The following HDAC7 variants were observed in gnomAD, a reference collection of about 807,000 sequenced individuals.
HDAC7 encodes histone deacetylase 7A.
A neutral mutation model predicts 115.5 loss-of-function variants in HDAC7; 26 were observed. The ratio of observed to expected loss-of-function variants is 0.23; its 90% CI spans 0.16 to 0.31. HDAC7 has a LOEUF of 0.31. Ranked by LOEUF, HDAC7 falls within the 10% of genes least tolerant of loss-of-function variation. HDAC7 has a pLI of 1.00. For missense variants in HDAC7, 1,068 were observed against 1,329.0 expected (o/e 0.80, Z 3.05); for synonymous variants, 564 against 550.9 (o/e 1.02, Z -0.33).
At position 47,797,989 on chromosome 12, in the gene HDAC7, G is replaced by T; in HGVS notation, c.461+119C>A. 2 of 760,974 alleles carry T rather than the reference G, an allele frequency of 2.6e-6. No homozygotes were observed. Among genetic ancestry groups the T allele is most frequent in the Non-Finnish European group, 4.8e-6 (2 of 420,266 alleles). The allele number at this position is 760,974 out of a possible 1,614,324, so 47.1% of individuals were successfully genotyped here. ...CGGGGGCATTATGTTTAGAGGAAGG[G>T]TAAGGACTGGTTGTGGCAACTGGGG... On this transcript the variant is annotated intron_variant, in intron 5 of 25. Coordinates refer to ENST00000080059, the MANE Select transcript of HDAC7 (RefSeq NM_015401.5). This position sits in a 1 kb window ranked among gnomAD's most constrained non-coding sequence, Gnocchi z 5.5.
Position 47,797,985 on chromosome 12 carries a change from A to G in HDAC7, c.461+123T>C. ...GGCTCGGGGGCATTATGTTTAGAGG[A>G]AGGGTAAGGACTGGTTGTGGCAACT... On this transcript the variant is annotated intron_variant, in intron 5 of 25. Coordinates refer to ENST00000080059, the MANE Select transcript of HDAC7 (RefSeq NM_015401.5). The surrounding 1 kb of genome is among the most constrained non-coding windows in gnomAD (Gnocchi z 5.5). The G allele has an allele frequency of 2.7e-6, 2 of 728,454 alleles. No homozygotes were observed. The highest frequency in any genetic ancestry group is 1.8e-5 in the African/African-American group (1 of 54,696). The allele number at this position is 728,454 out of a possible 1,614,324, so 45.1% of individuals were successfully genotyped here.
intron 1 of HDAC7, among the ~76,000 whole-genome samples, chr12:47,805,271 G>A (rs973516384): frequency 4.9e-5 from 7 of 141,598 alleles, no homozygotes; most frequent in Non-Finnish European, 9.5e-5. Context: ...TTTTTTTTTT[G>A]TAGAGACGAA....
At position 47,784,097 on chromosome 12, in the gene HDAC7, C is replaced by A. The variant is rs779324291; in HGVS notation, c.2912G>T (p.Gly971Val). 1 of 1,613,364 alleles carries A rather than the reference C, an allele frequency of 6.2e-7. No homozygotes were observed. The highest frequency in any genetic ancestry group is 1.3e-5 in the African/African-American group (1 of 74,882). The change falls in exon 25 of 26, where the codon GGC becomes GTC. Residue 971 changes from glycine to valine, a missense_variant. By Grantham distance (109) the Gly-to-Val change is moderately radical (BLOSUM62 -3). This residue lies in a region of HDAC7 where 98 missense variants were observed against 123.9 expected (regional missense o/e 0.79). Transcript: ENST00000080059. ...GCATTACCTATCTTCAGCCAGGATG[C>A]CCACAGAGAGGGACGCCAGTGCGGT... ...AVTALASLSV[G>V]ILAEDRPSEQ...
Position 47,789,800 on chromosome 12 carries a change from C to T in HDAC7, c.2091+13G>A, listed in dbSNP as rs562000379. 5 of 1,606,630 alleles carry T rather than the reference C, an allele frequency of 3.1e-6. No homozygotes were observed. Among genetic ancestry groups the T allele is most frequent in the Admixed American group, 1.7e-5 (1 of 60,010 alleles). On this transcript the variant is annotated intron_variant, in intron 17 of 25. Coordinates refer to ENST00000080059, the MANE Select transcript of HDAC7 (RefSeq NM_015401.5). ...CCTTTGTGGTGTGTCCACCTTCAAC[C>T]CAAACCTCCTACCTTTAGCTCACGA...
rs1943406246 is a variant in HDAC7, at chr12:47,790,172, G to C, written c.1984-252C>G. The C allele has an allele frequency of 1.2e-5, 6 of 505,146 alleles. No individual in the cohort carries two copies. In the South Asian group the frequency reaches 1.3e-4, roughly 11 times the overall value. The allele number at this position is 505,146 out of a possible 1,614,324, so 31.3% of individuals were successfully genotyped here. A position where few individuals can be genotyped will look rare whatever the true frequency, so the allele number is the denominator to read the frequency against. On this transcript the variant is annotated intron_variant, in intron 16 of 25. Transcript: ENST00000080059. The stretch of plus-strand genomic sequence containing the variant: ...GCACTCTGCTGGCAGCATCACGCCT[G>C]CCTCCCCGGTCAGGGGAGGGGGCAT...
chr12:47,812,103 T>C (rs1354506068), intron 1 of HDAC7, among the ~76,000 whole-genome samples: 3 of 152,124 alleles, frequency 2.0e-5, no homozygotes, highest in Non-Finnish European at 4.4e-5. Context: ...GGCAGCCCCA[T>C]CCCAGACCCT....
In HDAC7 at chr12:47,798,877, G is replaced by GC; in HGVS notation, c.165dup (p.Pro56AlafsTer127). The GC allele has an allele frequency of 6.4e-7, 1 of 1,550,810 alleles. No homozygotes were observed. The highest frequency in any genetic ancestry group is 8.7e-7 in the Non-Finnish European group (1 of 1,149,692). ...GGACGCTGCAGGGCCAGCAATGTGG[G>GC]CTCTGGTGGGGGCTCCACTGGGGGC... On this transcript the variant is annotated frameshift_variant, in exon 3 of 26. Transcript: ENST00000080059. LOFTEE classifies it high-confidence loss of function. The surrounding 1 kb of genome is among the most constrained non-coding windows in gnomAD (Gnocchi z 4.3).
rs753982880 is a variant in HDAC7, at chr12:47,787,864, C to T, written c.2356-55G>A. 7.7e-6 allele frequency: 12 copies of T among 1,560,778 alleles called. 1 individual carries two copies. The South Asian group carries it at 1.1e-4, about 15-fold the overall frequency. On this transcript the variant is annotated intron_variant, in intron 20 of 25. Coordinates refer to ENST00000080059, the MANE Select transcript of HDAC7 (RefSeq NM_015401.5). ...GGACAGCAGAGTCCCAGAAGGGGAA[C>T]ACCAGTTTGTTAGAGCTGCCAGCCC...
At chr12:47,792,062 G>A (rs1943561485) in intron 13 of HDAC7, 58 bp from the exon 14 acceptor site, 2 of 1,527,440 alleles carry the variant, frequency 1.3e-6, no homozygotes, top group Admixed American at 1.9e-5. Flanking sequence ...CATGGCCTTG[G>A]CTGCAGAGAA....
At chr12:47,791,432 T>C (rs1592643681) in intron 15 of HDAC7, 124 bp from the exon 16 acceptor site, 4 of 1,359,744 alleles carry the variant, frequency 2.9e-6, no homozygotes, top group African/African-American at 1.5e-5. Context: ...AAGGGAGAGG[T>C]GGAGGTGGGC....
intron 21 of HDAC7, among the ~76,000 whole-genome samples, chr12:47,787,123 T>A (rs978670844): frequency 6.6e-6 from 1 of 152,182 alleles, no homozygotes; most frequent in Non-Finnish European, 1.5e-5. Flanking sequence ...CTCAGTCCTT[T>A]GGACTGAGTT....
In HDAC7 at chr12:47,797,858, GT is replaced by G. The variant is rs1943944752; in HGVS notation, c.461+249del. Among the ~76,000 whole-genome samples the G allele has an allele frequency of 4.2e-5, 5 of 119,662 alleles. No individual in the cohort carries two copies. Among genetic ancestry groups the G allele is most frequent in the African/African-American group, 1.7e-4 (4 of 22,880 alleles). The allele number at this position is 119,662 out of a possible 152,430, so 78.5% of individuals were successfully genotyped here. A position where few individuals can be genotyped will look rare whatever the true frequency, so the allele number is the denominator to read the frequency against. On this transcript the variant is annotated intron_variant, in intron 5 of 25. Transcript: ENST00000080059. This position sits in a 1 kb window ranked among gnomAD's most constrained non-coding sequence, Gnocchi z 5.5. The stretch of plus-strand genomic sequence containing the variant: ...TGTGCAAGAAAAAAGCCAGTAGGGT[GT>G]GTGTGTGTGTGTGTGTGTGTGTGTG...
In HDAC7 at chr12:47,795,644, G is replaced by A. The variant is rs1322122623; in HGVS notation, c.1030C>T (p.Arg344Cys). The A allele has an allele frequency of 2.6e-6, 4 of 1,555,362 alleles. No homozygotes were observed. Among genetic ancestry groups the A allele is most frequent in the East Asian group, 2.4e-5 (1 of 41,228 alleles). ...EPEAGGTLPS[R>C]LQPILLLDPS... The stretch of plus-strand genomic sequence containing the variant: ...TCCAGGAGGAGAATGGGCTGCAGGC[G>A]AGAGGGCAAGGTGCCCCCAGCCTCG... Residue 344 changes from arginine (R) to cysteine (C), a missense_variant, in exon 10 of 26, where the codon CGC (arginine) becomes TGC (cysteine). By Grantham distance (180) the Arg-to-Cys change is radical. Around this residue, in one of 6 missense-constraint regions of HDAC7, gnomAD observed 618 missense variants for 701.5 expected, o/e 0.88. Transcript: ENST00000080059. The surrounding 1 kb of genome is among the most constrained non-coding windows in gnomAD (Gnocchi z 4.3).
chr12:47,794,516 G>A (rs569343066), intron 12 of HDAC7, among the ~76,000 whole-genome samples: 2 of 152,342 alleles, frequency 1.3e-5, no homozygotes, highest in South Asian at 4.1e-4. Context: ...TCCTGGAAAA[G>A]GGACATGCTT....
At position 47,783,674 on chromosome 12, in the gene HDAC7, G is replaced by A. The variant is rs1188178131; in HGVS notation, c.*167C>T. 4 of 729,320 alleles carry A rather than the reference G, an allele frequency of 5.5e-6. No homozygotes were observed. The highest frequency in any genetic ancestry group is 5.1e-5 in the South Asian group (3 of 59,168). The allele number at this position is 729,320 out of a possible 1,614,324, so 45.2% of individuals were successfully genotyped here. A position where few individuals can be genotyped will look rare whatever the true frequency, so the allele number is the denominator to read the frequency against. On this transcript the variant is annotated 3_prime_UTR_variant, in exon 26 of 26. Transcript: ENST00000080059. ...CTCCAGTTCCCATTCTAGACCCAGG[G>A]ATTTTCTCACGCTCCCTGGGATAAC...
chr12:47,806,184 G>A (rs949334342), intron 1 of HDAC7, among the ~76,000 whole-genome samples: 1 of 152,238 alleles, frequency 6.6e-6, no homozygotes, highest in Non-Finnish European at 1.5e-5. Flanking sequence ...GGAGCTGAGA[G>A]TGGGCTGGAA....
intron 12 of HDAC7, among the ~76,000 whole-genome samples, 164 bp downstream of exon 12, chr12:47,794,596 C>T (rs1325928169): frequency 1.3e-5 from 2 of 152,158 alleles, no homozygotes. Flanking sequence ...TGTGTGTGTG[C>T]CTACACCTTA....
At position 47,798,209 on chromosome 12, in the gene HDAC7, G is replaced by A. The variant is rs1943970300; in HGVS notation, c.360C>T (p.Ala120=). The A allele has an allele frequency of 1.2e-6, 2 of 1,613,338 alleles. No homozygotes were observed. Among genetic ancestry groups the A allele is most frequent in the African/African-American group, 1.3e-5 (1 of 74,798 alleles). The change falls in exon 5 of 26, where the codon GCC becomes GCT. Residue 120 remains alanine (A), a synonymous_variant. Transcript: ENST00000080059. This position sits in a 1 kb window ranked among gnomAD's most constrained non-coding sequence, Gnocchi z 4.3. ...HKDKSKRSAV[A]SSVVKQKLAE... is the part of the protein sequence containing the mutation. Reference sequence around the variant, plus strand: ...CTAGCTTCTGCTTGACCACGCTGCTGGCTACAGCACCTGTAGGGGCAGAGT... The same window carrying A: ...CTAGCTTCTGCTTGACCACGCTGCTAGCTACAGCACCTGTAGGGGCAGAGT...
chr12:47,788,477 G>T lies in HDAC7; in HGVS notation c.2236-313C>A, dbSNP rs551408157. ...GGGGTTAGTGGCAAGGAGAGGGAAG[G>T]GTTCAGGGTTACACATATCAGGAAC... On this transcript the variant is annotated intron_variant, in intron 19 of 25. Transcript: ENST00000080059. 3.6e-5 allele frequency: 8 copies of T among 222,836 alleles called. No individual in the cohort carries two copies. In the South Asian group the frequency reaches 6.6e-4, roughly 18 times the overall value. 13.8% of individuals were successfully genotyped at this position (222,836 alleles called of 1,614,324 possible).
Sources: gnomAD v4.1 joint callset for allele counts (sites outside exome capture counted in the v4.1 genomes callset) on GRCh38, gnomAD v4.1.1 for gene constraint, gnomAD v4.1.1 regional missense constraint, Gnocchi (gnomAD v3.1) non-coding constraint, MANE v1.5 for transcripts, NCBI Gene and HGNC (gene_info 2026-07-23, HGNC 2026-07-21) for gene names.